The following PCDH15 variants were observed in gnomAD, a reference collection of about 807,000 sequenced individuals.
PCDH15 encodes protocadherin related 15.
A neutral mutation model predicts 178.5 loss-of-function variants in PCDH15; 129 were observed. The observed-to-expected ratio is 0.72, with a 90% CI of 0.63 to 0.84. The LOEUF (loss-of-function observed/expected upper bound fraction) is 0.84. Among genes scored for constraint, PCDH15 ranks in the 40% least tolerant of loss-of-function variants. PCDH15 has a pLI of 0.00. For synonymous variants in PCDH15, 800 were observed against 732.0 expected, an observed-to-expected ratio of 1.09 and a Z score of -1.50; for missense variants, 2,230 against 2,099.9, an observed-to-expected ratio of 1.06 and a Z score of -1.21.
intron 7 of PCDH15, among the ~76,000 whole-genome samples, chr10:54,322,279 C>T (rs992401033): frequency 1.3e-5 from 2 of 151,804 alleles, no homozygotes; most frequent in Non-Finnish European, 2.9e-5. Flanking sequence ...ATGTGATAAT[C>T]TAATATATAT....
At chr10:54,593,547 C>T (rs11004400) in intron 2 of PCDH15, among the ~76,000 whole-genome samples, 2 of 152,056 alleles carry the variant, frequency 1.3e-5, no homozygotes, top group Non-Finnish European at 2.9e-5. Flanking sequence ...TGTTTTTATG[C>T]AAATTCCACA....
intron 8 of PCDH15, among the ~76,000 whole-genome samples, chr10:54,296,276 A>C (rs1471845431): frequency 6.6e-6 from 1 of 151,894 alleles, no homozygotes; most frequent in African/African-American, 2.4e-5. Flanking sequence ...ATTTGCCTGG[A>C]ACCAGCTTCC....
intron 1 of PCDH15, among the ~76,000 whole-genome samples, chr10:55,250,823 C>T (rs1483022980): frequency 6.6e-6 from 1 of 152,026 alleles, no homozygotes; most frequent in African/African-American, 2.4e-5. Flanking sequence ...GTGTGAGTCA[C>T]CATGCCCAGC....
At chr10:54,398,231 T>G (rs548141439) in intron 3 of PCDH15, among the ~76,000 whole-genome samples, 1 of 151,154 alleles carries the variant, frequency 6.6e-6, no homozygotes, top group Admixed American at 6.6e-5. Context: ...CTTGCTTGTT[T>G]AAAAAAAAAT....
At chr10:55,496,853 T>C (rs1840545772) in intron 2 of PCDH15, among the ~76,000 whole-genome samples, 1 of 151,874 alleles carries the variant, frequency 6.6e-6, no homozygotes, top group South Asian at 2.1e-4. Flanking sequence ...ACTGCTTTCA[T>C]AATTGGCTAG....
At position 54,148,474 on chromosome 10, in the gene PCDH15, GAAT is replaced by G. The variant is rs140154231; in HGVS notation, c.1784+4623_1784+4625del. ...AATAGTTGTTATACTGTAGTTTAGA[GAAT>G]AATGACAAAAAAAGTCTGCGCATGT... On this transcript the variant is annotated intron_variant, in intron 14 of 37. Coordinates refer to ENST00000644397, the MANE Select transcript of PCDH15 (RefSeq NM_001384140.1). 4.1e-3 allele frequency among the ~76,000 whole-genome samples: 628 copies of G among 152,058 alleles called. 5 individuals are homozygous for G. The highest frequency in any genetic ancestry group is 0.014 in the African/African-American group (601 of 41,472).
chr10:55,455,067 T>A (rs1397363381), intron 2 of PCDH15, among the ~76,000 whole-genome samples: 3 of 152,132 alleles, frequency 2.0e-5, no homozygotes, highest in Non-Finnish European at 4.4e-5. Context: ...TCAGTTAATG[T>A]TGTGTGTTGC....
At chr10:54,534,448 A>T (rs770531812) in intron 2 of PCDH15, among the ~76,000 whole-genome samples, 2 of 152,186 alleles carry the variant, frequency 1.3e-5, no homozygotes, top group Non-Finnish European at 2.9e-5. Context: ...GAAGCTTAAA[A>T]AAAGTAATGG....
intron 2 of PCDH15, among the ~76,000 whole-genome samples, chr10:55,478,561 C>A (rs1362879496): frequency 6.6e-6 from 1 of 150,828 alleles, no homozygotes. Context: ...AAGATTTCAA[C>A]TAAAGGAGCT....
intron 9 of PCDH15, among the ~76,000 whole-genome samples, chr10:54,226,738 A>T (rs909089771): frequency 3.9e-5 from 6 of 152,226 alleles, no homozygotes; most frequent in Non-Finnish European, 1.5e-5. Flanking sequence ...CATCTGTAAA[A>T]TCAAAAGCAG....
At chr10:54,630,118 T>C (rs1308943173) in intron 2 of PCDH15, among the ~76,000 whole-genome samples, 1 of 152,106 alleles carries the variant, frequency 6.6e-6, no homozygotes, top group Admixed American at 6.6e-5. Context: ...TCCATGCTCA[T>C]GAACTGGATC....
chr10:55,254,426 C>T (rs1841932587), intron 1 of PCDH15, among the ~76,000 whole-genome samples: 1 of 152,012 alleles, frequency 6.6e-6, no homozygotes, highest in South Asian at 2.1e-4. Context: ...AACCTTTGAC[C>T]CAAAGGCTCT....
intron 3 of PCDH15, among the ~76,000 whole-genome samples, chr10:54,436,500 A>T (rs7088575): frequency 1.3e-5 from 2 of 151,696 alleles, no homozygotes; most frequent in Admixed American, 6.6e-5. Context: ...TAAGTTAAGA[A>T]ATATACACCA....
intron 25 of PCDH15, among the ~76,000 whole-genome samples, chr10:53,905,446 G>A (rs1315709443): frequency 1.3e-5 from 2 of 152,110 alleles, no homozygotes; most frequent in Non-Finnish European, 1.5e-5. Flanking sequence ...CCATTCTCCT[G>A]CCTCAGCGTC....
rs1490974111 is a variant in PCDH15, at chr10:53,933,781, G to T, written c.3373+5034C>A. ...TCCACAGTGGTTGAACTAGCTTACA[G>T]TCCCACCAACAGTGTAAAAGTGTTC... On this transcript the variant is annotated intron_variant, in intron 25 of 37. Coordinates refer to ENST00000644397, the MANE Select transcript of PCDH15 (RefSeq NM_001384140.1). Among the ~76,000 whole-genome samples, 3 of 152,256 alleles carry T rather than the reference G, an allele frequency of 2.0e-5. No homozygotes were observed. The South Asian group carries it at 6.2e-4, about 32-fold the overall frequency.
In PCDH15 at chr10:54,383,571, T is replaced by C. The variant is rs1184201650; in HGVS notation, c.158-4629A>G. On this transcript the variant is annotated intron_variant, in intron 3 of 37. Transcript: ENST00000644397. ...GCAATATTTTATTATTTTCAGGCCATCAAATTGCTGCAGTTAAAATTAAAA... is the reference window on the plus strand; with the variant it reads ...GCAATATTTTATTATTTTCAGGCCACCAAATTGCTGCAGTTAAAATTAAAA... 3.3e-5 allele frequency among the ~76,000 whole-genome samples: 5 copies of C among 151,744 alleles called. No individual in the cohort carries two copies. In the East Asian group the frequency reaches 9.7e-4, roughly 30 times the overall value.
At chr10:55,546,030 T>A (rs1392959216) in intron 2 of PCDH15, among the ~76,000 whole-genome samples, 1 of 152,116 alleles carries the variant, frequency 6.6e-6, no homozygotes, top group Non-Finnish European at 1.5e-5. Flanking sequence ...TCAGGCAAAG[T>A]TTTCACAGAT....
chr10:55,085,177 A>T (rs1208765195), intron 2 of PCDH15, among the ~76,000 whole-genome samples: 1 of 152,030 alleles, frequency 6.6e-6, no homozygotes, highest in Non-Finnish European at 1.5e-5. Flanking sequence ...AAGCAACCTA[A>T]GTGTCTTTCA....
chr10:54,086,300 G>A (rs1565220444), intron 16 of PCDH15, among the ~76,000 whole-genome samples: 3 of 152,206 alleles, frequency 2.0e-5, no homozygotes, highest in African/African-American at 7.2e-5. Flanking sequence ...ACCATTTGTT[G>A]TGGGAACTAA....
Sources: gnomAD v4.1 joint callset for allele counts (sites outside exome capture counted in the v4.1 genomes callset) on GRCh38, gnomAD v4.1.1 for gene constraint, MANE v1.5 for transcripts, NCBI Gene and HGNC (gene_info 2026-07-23, HGNC 2026-07-21) for gene names.